The following COL19A1 variants were observed in gnomAD, a reference collection of about 807,000 sequenced individuals.
COL19A1 encodes collagen alpha-1(XIX) chain.
Under a neutral mutation model 190.2 loss-of-function variants are expected in COL19A1, and 159 were observed. That is an observed-to-expected ratio of 0.84 (90% CI 0.73 to 0.95). COL19A1 has a LOEUF of 0.95. Among genes scored for constraint, COL19A1 ranks in the 40% least tolerant of loss-of-function variants. COL19A1 has a pLI of 0.00. For missense variants in COL19A1, 1,418 were observed against 1,431.9 expected, an observed-to-expected ratio of 0.99 and a Z score of 0.16; for synonymous variants, 509 against 458.9, an observed-to-expected ratio of 1.11 and a Z score of -1.39.
At position 70,150,063 on chromosome 6, in the gene COL19A1, G is replaced by A; in HGVS notation, c.2037+18G>A. Reference sequence around the variant, plus strand: ...GTGACCCGGTATGTAGACAAACCTTGTCTGATTTATGTATCTTAAATGCAC... The same window carrying A: ...GTGACCCGGTATGTAGACAAACCTTATCTGATTTATGTATCTTAAATGCAC... On this transcript the variant is annotated intron_variant, in intron 30 of 50. Coordinates refer to ENST00000620364, the MANE Select transcript of COL19A1 (RefSeq NM_001858.6). The A allele has an allele frequency of 6.2e-7, 1 of 1,613,124 alleles. No individual in the cohort carries two copies. The highest frequency in any genetic ancestry group is 2.2e-5 in the East Asian group (1 of 44,862).
chr6:70,006,751 A>T (rs1777654027), intron 11 of COL19A1, among the ~76,000 whole-genome samples: 1 of 152,100 alleles, frequency 6.6e-6, no homozygotes, highest in South Asian at 2.1e-4. Flanking sequence ...TAACTATTAC[A>T]CTACACTGTT....
At chr6:70,000,372 G>A (rs1777189226) in intron 11 of COL19A1, among the ~76,000 whole-genome samples, 1 of 152,094 alleles carries the variant, frequency 6.6e-6, no homozygotes, top group Non-Finnish European at 1.5e-5. Flanking sequence ...ATATTCCTTT[G>A]GGTATATACC....
intron 4 of COL19A1, among the ~76,000 whole-genome samples, chr6:69,903,844 C>T (rs537396679): frequency 1.4e-4 from 21 of 152,326 alleles, no homozygotes; most frequent in African/African-American, 4.6e-4. Flanking sequence ...AAGACTGTCT[C>T]AGCAGCATCA....
intron 14 of COL19A1, among the ~76,000 whole-genome samples, chr6:70,062,457 C>T (rs529150644): frequency 6.2e-4 from 95 of 152,136 alleles, no homozygotes; most frequent in African/African-American, 2.2e-3. Flanking sequence ...ACCAGGCCTG[C>T]CCTACAAGAG....
At chr6:70,098,998 A>G (rs1783459462) in intron 15 of COL19A1, among the ~76,000 whole-genome samples, 1 of 148,340 alleles carries the variant, frequency 6.7e-6, no homozygotes, top group Admixed American at 6.8e-5. Context: ...AGAGCCGGAG[A>G]ATCACTTCAG....
At chr6:69,921,314 CAT>C (rs1771775233) in intron 4 of COL19A1, among the ~76,000 whole-genome samples, 1 of 124,318 alleles carries the variant, frequency 8.0e-6, no homozygotes, top group African/African-American at 3.1e-5. Flanking sequence ...TATCATATAT[CAT>C]ATAATCATAT....
intron 17 of COL19A1, among the ~76,000 whole-genome samples, chr6:70,127,916 C>CA (rs1010825327): frequency 6.6e-5 from 10 of 152,132 alleles, no homozygotes; most frequent in African/African-American, 2.2e-4. Context: ...GAATGACACT[C>CA]AGAGAGGAAG....
chr6:70,140,034 G>A (rs1786139585), intron 19 of COL19A1, among the ~76,000 whole-genome samples: 1 of 151,314 alleles, frequency 6.6e-6, no homozygotes, highest in Non-Finnish European at 1.5e-5. Flanking sequence ...GCAAAAACAA[G>A]CAGGGAAATA....
At chr6:69,965,860 C>T (rs1226671773) in intron 11 of COL19A1, among the ~76,000 whole-genome samples, 1 of 152,120 alleles carries the variant, frequency 6.6e-6, no homozygotes, top group African/African-American at 2.4e-5. Flanking sequence ...AACAGCATAG[C>T]TCATGAGGCA....
At chr6:69,991,817 T>C (rs985560812) in intron 11 of COL19A1, among the ~76,000 whole-genome samples, 1 of 152,068 alleles carries the variant, frequency 6.6e-6, no homozygotes, top group African/African-American at 2.4e-5. Context: ...AGTTTACAAA[T>C]ATTTTCTCCC....
intron 9 of COL19A1, among the ~76,000 whole-genome samples, chr6:69,949,116 C>G (rs1479825292): frequency 6.6e-6 from 1 of 151,818 alleles, no homozygotes; most frequent in African/African-American, 2.4e-5. Context: ...TTGAGTTACT[C>G]TTAAAGGGTC....
intron 9 of COL19A1, among the ~76,000 whole-genome samples, chr6:69,942,324 G>A (rs985273030): frequency 1.7e-4 from 26 of 151,848 alleles, no homozygotes; most frequent in African/African-American, 6.3e-4. Flanking sequence ...AATCAAATTG[G>A]GATAATTAAC....
At chr6:69,879,957 C>CACATATGTATGAAACATTATGTA (rs1208248278) in intron 2 of COL19A1, 8 of 388,196 alleles carry the variant, frequency 2.1e-5, no homozygotes, top group Non-Finnish European at 3.6e-5. Flanking sequence ...GTATCTTTCC[C>CACATATGTATGAAACATTATGTA]TTTCCTCTTC....
chr6:70,118,893 G>A (rs923341209), intron 16 of COL19A1, among the ~76,000 whole-genome samples: 19 of 152,122 alleles, frequency 1.2e-4, no homozygotes, highest in African/African-American at 4.6e-4. Flanking sequence ...CCAGTGGTAA[G>A]CTCAGCAGCA....
chr6:69,987,247 T>C (rs535729173), intron 11 of COL19A1, among the ~76,000 whole-genome samples: 10 of 152,326 alleles, frequency 6.6e-5, no homozygotes, highest in African/African-American at 2.4e-4. Flanking sequence ...CCTTCTGTCA[T>C]GTTCATTTAT....
At chr6:69,958,074 A>G (rs745338267) in intron 9 of COL19A1, among the ~76,000 whole-genome samples, 6 of 152,168 alleles carry the variant, frequency 3.9e-5, no homozygotes, top group Non-Finnish European at 7.4e-5. Flanking sequence ...TATTCTCAAT[A>G]TCACAGCTCT....
At chr6:69,897,974 CA>C (rs1195559081) in intron 2 of COL19A1, among the ~76,000 whole-genome samples, 1 of 152,020 alleles carries the variant, frequency 6.6e-6, no homozygotes, top group African/African-American at 2.4e-5. Flanking sequence ...ACCCTCTCAC[CA>C]TGCCTGAGGT....
At chr6:69,873,361 T>C (rs1408425962) in intron 1 of COL19A1, among the ~76,000 whole-genome samples, 3 of 152,172 alleles carry the variant, frequency 2.0e-5, no homozygotes, top group Non-Finnish European at 4.4e-5. Context: ...GCCCAAGGAA[T>C]GGTCAAGAGT....
intron 16 of COL19A1, among the ~76,000 whole-genome samples, chr6:70,105,515 G>A (rs1783898253): frequency 6.6e-6 from 1 of 152,150 alleles, no homozygotes; most frequent in African/African-American, 2.4e-5. Flanking sequence ...ATTTCCCAGG[G>A]AGCTATTTGT....
Sources: allele counts gnomAD v4.1 joint callset (sites outside exome capture counted in the v4.1 genomes callset), GRCh38; gene constraint gnomAD v4.1.1; transcripts MANE v1.5; gene names NCBI Gene and HGNC (gene_info 2026-07-23, HGNC 2026-07-21).